KCNQ5: variants seen among roughly 807,000 people sequenced by gnomAD.
The protein encoded by KCNQ5 is potassium voltage-gated channel subfamily Q member 5.
KCNQ5 carries 30 observed loss-of-function variants against 98.2 expected under a neutral mutation model. That is an observed-to-expected ratio of 0.31 (90% CI 0.23 to 0.41). The LOEUF (loss-of-function observed/expected upper bound fraction) is 0.41, where lower values mean the gene tolerates loss of function less well. Among genes scored for constraint, KCNQ5 ranks in the 10% least tolerant of loss-of-function variants. The probability of loss-of-function intolerance (pLI) is 1.00; values close to 1 mark genes in which losing one functional copy is unlikely to be tolerated. For synonymous variants in KCNQ5, 458 were observed against 449.4 expected (o/e 1.02, Z -0.24); for missense variants, 835 against 1,182.5 (o/e 0.71, Z 4.31).
chr6:72,892,077 C>CTA (rs758789100), intron 1 of KCNQ5, among the ~76,000 whole-genome samples: 1 of 152,088 alleles, frequency 6.6e-6, no homozygotes, highest in Non-Finnish European at 1.5e-5. Flanking sequence ...TTTGCATTAG[C>CTA]TATATATACA....
At chr6:72,763,831 G>T (rs1772413249) in intron 1 of KCNQ5, among the ~76,000 whole-genome samples, 2 of 151,944 alleles carry the variant, frequency 1.3e-5, no homozygotes, top group African/African-American at 4.8e-5. Flanking sequence ...AAAGAAACAG[G>T]ACTTCTCGGG....
intron 1 of KCNQ5, among the ~76,000 whole-genome samples, chr6:72,907,192 G>GA (rs1337867253): frequency 6.6e-6 from 1 of 152,058 alleles, no homozygotes; most frequent in Non-Finnish European, 1.5e-5. Flanking sequence ...GAGAGGATCA[G>GA]AAAAAATACT....
At chr6:72,948,482 G>T (rs1334713572) in intron 1 of KCNQ5, among the ~76,000 whole-genome samples, 1 of 150,790 alleles carries the variant, frequency 6.6e-6, no homozygotes, top group East Asian at 1.9e-4. Flanking sequence ...GAAAGGAAAA[G>T]AAAAAAAAAT....
At chr6:72,713,404 T>G (rs928188174) in intron 1 of KCNQ5, among the ~76,000 whole-genome samples, 1 of 152,136 alleles carries the variant, frequency 6.6e-6, no homozygotes, top group Admixed American at 6.6e-5. Context: ...TTACAAAAAT[T>G]TTCTACCTTC....
chr6:72,694,543 G>A (rs1410512264), intron 1 of KCNQ5, among the ~76,000 whole-genome samples: 1 of 152,002 alleles, frequency 6.6e-6, no homozygotes, highest in Admixed American at 6.6e-5. Flanking sequence ...GCTGATGGTG[G>A]GCAAGTCAAT....
chr6:72,938,528 C>A (rs761813137), intron 1 of KCNQ5, among the ~76,000 whole-genome samples: 1 of 143,630 alleles, frequency 7.0e-6, no homozygotes, highest in Non-Finnish European at 1.5e-5. Context: ...TACAGGCATG[C>A]ACCACCACAC....
intron 1 of KCNQ5, among the ~76,000 whole-genome samples, chr6:72,707,424 A>C (rs1379289096): frequency 6.6e-6 from 1 of 152,114 alleles, no homozygotes; most frequent in Non-Finnish European, 1.5e-5. Flanking sequence ...ATATATGTTT[A>C]TTTCAGAATT....
At chr6:72,657,332 AT>A (rs779010446) in intron 1 of KCNQ5, among the ~76,000 whole-genome samples, 1 of 152,212 alleles carries the variant, frequency 6.6e-6, no homozygotes, top group Non-Finnish European at 1.5e-5. Flanking sequence ...ATTAAATCAT[AT>A]TTTTTAAATT....
chr6:72,872,176 C>T (rs1778237082), intron 1 of KCNQ5, among the ~76,000 whole-genome samples: 1 of 152,204 alleles, frequency 6.6e-6, no homozygotes, highest in Admixed American at 6.5e-5. Context: ...CTTCCCTTTA[C>T]TTCCTAAAGA....
chr6:72,742,702 A>G (rs989718216), intron 1 of KCNQ5, among the ~76,000 whole-genome samples: 17 of 152,230 alleles, frequency 1.1e-4, no homozygotes, highest in African/African-American at 4.1e-4. Context: ...TTTAATGGAC[A>G]GGTAAGATGA....
Position 73,153,793 on chromosome 6 carries a change from A to G in KCNQ5, c.1469-15953A>G, listed in dbSNP as rs73756827. Among the ~76,000 whole-genome samples the G allele has an allele frequency of 7.5e-3, 1,138 of 152,178 alleles. 14 individuals carry two copies. Among genetic ancestry groups the G allele is most frequent in the African/African-American group, 0.026 (1,072 of 41,528 alleles). On this transcript the variant is annotated intron_variant, in intron 10 of 13. Coordinates refer to ENST00000370398, the MANE Select transcript of KCNQ5 (RefSeq NM_019842.4). ...TATTTATTCTAGGTCCCAAATTTTT[A>G]TGTCAAGAATGTCATAATACTAAAT... is the stretch of plus-strand genomic sequence containing the variant.
rs1294797097 is a variant in KCNQ5 at position 73,136,714 on chromosome 6, CT to C, written c.1468+3075del. On this transcript the variant is annotated intron_variant, in intron 10 of 13. Coordinates refer to ENST00000370398, the MANE Select transcript of KCNQ5 (RefSeq NM_019842.4). Reference sequence around the variant, plus strand: ...CCTCTGATTGAATTCAATGTTGCGTCTTGGGAAACTGGAAGTTCTTTTTTTA... The same window carrying C: ...CCTCTGATTGAATTCAATGTTGCGTCTGGGAAACTGGAAGTTCTTTTTTTA... 2.5e-4 allele frequency: 38 copies of C among 152,196 alleles called. 1 individual carries two copies. The highest frequency in any genetic ancestry group is 3.4e-3 in the Middle Eastern group (1 of 294). The allele number at this position is 152,196 out of a possible 1,614,324, so 9.4% of individuals were successfully genotyped here.
At chr6:72,770,712 A>G (rs1473630432) in intron 1 of KCNQ5, among the ~76,000 whole-genome samples, 1 of 152,114 alleles carries the variant, frequency 6.6e-6, no homozygotes, top group Non-Finnish European at 1.5e-5. Flanking sequence ...TGTTATTAAT[A>G]CTAATTTAGT....
intron 1 of KCNQ5, among the ~76,000 whole-genome samples, chr6:72,934,031 G>T (rs1765796720): frequency 6.6e-6 from 1 of 152,178 alleles, no homozygotes; most frequent in Admixed American, 6.6e-5. Context: ...CTACACTCCA[G>T]CCTGGGCAAC....
intron 1 of KCNQ5, among the ~76,000 whole-genome samples, chr6:72,896,951 G>A (rs929564470): frequency 6.6e-6 from 1 of 151,944 alleles, no homozygotes; most frequent in Admixed American, 6.6e-5. Flanking sequence ...TTGGTTGGTT[G>A]GTTGGTTGGT....
chr6:73,111,335 A>C lies in KCNQ5; in HGVS notation c.1057A>C (p.Lys353Gln). 6.2e-7 allele frequency: 1 copy of C among 1,610,894 alleles called. No homozygotes were observed. The part of the protein sequence containing the change: ...AGILGSGFAL[K>Q]VQEQHRQKHF... ...CATTCTTGGCTCAGGTTTTGCATTA[A>C]AAGTACAAGAACAACACCGCCAGAA... The change falls in exon 7 of 14, where the codon AAA becomes CAA. Residue 353 changes from lysine (K) to glutamine (Q), a missense_variant. This residue lies in a region of KCNQ5 where 30 missense variants were observed against 132.9 expected (regional missense o/e 0.23). Coordinates refer to ENST00000370398, the MANE Select transcript of KCNQ5 (RefSeq NM_019842.4).
At chr6:72,669,969 G>T (rs1767019278) in intron 1 of KCNQ5, among the ~76,000 whole-genome samples, 2 of 140,796 alleles carry the variant, frequency 1.4e-5, no homozygotes, top group Non-Finnish European at 3.0e-5. Flanking sequence ...TCTCAGTTCT[G>T]GTTCCTTTAT....
intron 5 of KCNQ5, among the ~76,000 whole-genome samples, chr6:73,102,409 A>G (rs1278014501): frequency 1.3e-5 from 2 of 152,216 alleles, no homozygotes; most frequent in African/African-American, 4.8e-5. Flanking sequence ...CACGTGAAAA[A>G]GCTTCTGCAC....
At chr6:73,107,464 T>C (rs1775050354) in intron 6 of KCNQ5, among the ~76,000 whole-genome samples, 1 of 152,160 alleles carries the variant, frequency 6.6e-6, no homozygotes, top group African/African-American at 2.4e-5. Context: ...AATCTGTGAG[T>C]AGCAAGCAGA....
Sources: gnomAD v4.1 joint callset for allele counts (sites outside exome capture counted in the v4.1 genomes callset) on GRCh38, gnomAD v4.1.1 for gene constraint, gnomAD v4.1.1 regional missense constraint, MANE v1.5 for transcripts, NCBI Gene and HGNC (gene_info 2026-07-23, HGNC 2026-07-21) for gene names.